Variants in EML1 observed in about 807,000 individuals in gnomAD.
EML1 encodes the protein EMAP like 1.
In EML1, 27 loss-of-function variants were observed where a neutral mutation model predicts 110.4. The observed-to-expected ratio is 0.24, with a 90% confidence interval of 0.18 to 0.34. The LOEUF (loss-of-function observed/expected upper bound fraction) is 0.34, where lower values mean the gene tolerates loss of function less well. Among genes scored for constraint, EML1 ranks in the 10% least tolerant of loss-of-function variants. EML1 has a pLI of 1.00. For synonymous variants in EML1, 344 were observed against 385.8 expected (o/e 0.89, Z 1.27); for missense variants, 741 against 1,030.9 (o/e 0.72, Z 3.85).
chr14:99,775,999 G>A (rs1223680670), intron 1 of EML1, among the ~76,000 whole-genome samples: 2 of 152,152 alleles, frequency 1.3e-5, no homozygotes, highest in Non-Finnish European at 2.9e-5. Flanking sequence ...GCTAAAACAT[G>A]ATTTTTCAAA....
At chr14:99,742,584 G>C (rs1595225290) in intron 1 of EML1, among the ~76,000 whole-genome samples, 1 of 152,142 alleles carries the variant, frequency 6.6e-6, no homozygotes, top group African/African-American at 2.4e-5. Flanking sequence ...CGGTGCAGTG[G>C]AGGCTGAGCC....
At chr14:99,875,067 A>G (rs2059267479) in intron 3 of EML1, 4 of 1,395,042 alleles carry the variant, frequency 2.9e-6, no homozygotes, top group Non-Finnish European at 4.0e-6. Flanking sequence ...TAGTAGCTTC[A>G]AGGTCTTGTC....
chr14:99,918,787 C>T (rs1241960971), intron 16 of EML1, among the ~76,000 whole-genome samples: 1 of 152,008 alleles, frequency 6.6e-6, no homozygotes, highest in Non-Finnish European at 1.5e-5. Context: ...TGTACCCTCG[C>T]CTAAGCCACA....
intron 1 of EML1, among the ~76,000 whole-genome samples, chr14:99,824,435 A>C (rs902849368): frequency 6.6e-6 from 1 of 152,038 alleles, no homozygotes; most frequent in Non-Finnish European, 1.5e-5. Context: ...ATGTACACAC[A>C]TATGTATGTC....
intron 3 of EML1, among the ~76,000 whole-genome samples, chr14:99,868,819 CT>C (rs2059146147): frequency 6.6e-6 from 1 of 151,874 alleles, no homozygotes; most frequent in African/African-American, 2.4e-5. Flanking sequence ...TATCTCTGCT[CT>C]AATCTTTATT....
At chr14:99,907,812 C>A in intron 10 of EML1, 79 bp downstream of exon 10, 2 of 1,367,538 alleles carry the variant, frequency 1.5e-6, no homozygotes, top group Non-Finnish European at 2.1e-6. Flanking sequence ...AGCCCCCTTT[C>A]AGCGGGCTCA....
At chr14:99,883,137 T>G (rs2059416030) in intron 4 of EML1, 1 of 152,252 alleles carries the variant, frequency 6.6e-6, no homozygotes, top group Non-Finnish European at 1.5e-5. Flanking sequence ...TTCCCTTTTG[T>G]GCCCTGACAC....
At chr14:99,752,988 T>C (rs1370472874) in intron 1 of EML1, among the ~76,000 whole-genome samples, 1 of 152,134 alleles carries the variant, frequency 6.6e-6, no homozygotes, top group East Asian at 1.9e-4. Flanking sequence ...GAGGCAGCCC[T>C]GGCTTTTATT....
At chr14:99,746,920 C>T (rs1388569929) in intron 1 of EML1, among the ~76,000 whole-genome samples, 8 of 152,298 alleles carry the variant, frequency 5.3e-5, no homozygotes, top group African/African-American at 1.9e-4. Flanking sequence ...CTGCCGCGCC[C>T]TGCCCTGGGC....
At chr14:99,746,455 A>G (rs2057109462) in intron 1 of EML1, among the ~76,000 whole-genome samples, 4 of 152,180 alleles carry the variant, frequency 2.6e-5, no homozygotes, top group Admixed American at 2.6e-4. Context: ...TGGCGGAAGC[A>G]CTAGCTTCAG....
chr14:99,816,728 C>T (rs2058174065), intron 1 of EML1, among the ~76,000 whole-genome samples: 1 of 152,244 alleles, frequency 6.6e-6, no homozygotes, highest in Non-Finnish European at 1.5e-5. Flanking sequence ...AGATCCATTT[C>T]TAACTGCCAG....
rs2058418490 is a variant in EML1, at chr14:99,829,716, G to A, written c.68-21137G>A. On this transcript the variant is annotated intron_variant, in intron 1 of 21. Coordinates refer to ENST00000262233, the MANE Select transcript of EML1 (RefSeq NM_004434.3). ...TCTGTGTATCTCACCTTACTCTGTA[G>A]TAGTGACTTAGATGAAATATAATAT... Among the ~76,000 whole-genome samples, 3 of 152,164 alleles carry A rather than the reference G, an allele frequency of 2.0e-5. No homozygotes were observed. The South Asian group carries it at 6.2e-4, about 31-fold the overall frequency.
At chr14:99,810,494 G>A (rs1276385626) in intron 1 of EML1, among the ~76,000 whole-genome samples, 1 of 152,182 alleles carries the variant, frequency 6.6e-6, no homozygotes, top group Non-Finnish European at 1.5e-5. Context: ...AGGAAACTGA[G>A]GGCTAAATAG....
chr14:99,891,012 G>C (rs2059578126), intron 4 of EML1, among the ~76,000 whole-genome samples, 187 bp from the exon 5 acceptor site: 1 of 152,158 alleles, frequency 6.6e-6, no homozygotes, highest in Non-Finnish European at 1.5e-5. Flanking sequence ...GCACCTATGA[G>C]ATTGTTTATG....
chr14:99,920,918 A>G (rs1566938729), intron 17 of EML1, 41 bp downstream of exon 17: 2 of 1,571,380 alleles, frequency 1.3e-6, no homozygotes, highest in Middle Eastern at 1.7e-4. Flanking sequence ...TTTTTAATCA[A>G]CTTTTATTTT....
In EML1 at chr14:99,827,878, T is replaced by C. The variant is rs1177638597; in HGVS notation, c.68-22975T>C. On this transcript the variant is annotated intron_variant, in intron 1 of 21. Transcript: ENST00000262233. This position sits in a 1 kb window ranked among gnomAD's most constrained non-coding sequence, Gnocchi z 4.4. Reference sequence around the variant, plus strand: ...TGCAGACCCGCAGGCATGGGTCCCGTGAGCACCCAGCAGGGTGTCTGGGTG... The same window carrying C: ...TGCAGACCCGCAGGCATGGGTCCCGCGAGCACCCAGCAGGGTGTCTGGGTG... Among the ~76,000 whole-genome samples, 1 of 152,140 alleles carries C rather than the reference T, an allele frequency of 6.6e-6. No individual in the cohort carries two copies. The highest frequency in any genetic ancestry group is 1.9e-4 in the East Asian group (1 of 5,190).
intron 1 of EML1, among the ~76,000 whole-genome samples, chr14:99,838,605 C>T (rs1437540854): frequency 6.6e-6 from 1 of 151,844 alleles, no homozygotes; most frequent in African/African-American, 2.4e-5. Context: ...TGTGCCTTGC[C>T]AGGATCATTG....
At chr14:99,803,202 A>G (rs2057913696) in intron 1 of EML1, among the ~76,000 whole-genome samples, 1 of 152,108 alleles carries the variant, frequency 6.6e-6, no homozygotes, top group Non-Finnish European at 1.5e-5. Context: ...GGTCCATCTT[A>G]TTTATCTTAT....
intron 1 of EML1, among the ~76,000 whole-genome samples, chr14:99,843,918 C>A (rs2058669082): frequency 6.6e-6 from 1 of 152,168 alleles, no homozygotes; most frequent in African/African-American, 2.4e-5. Flanking sequence ...AGAGGGAAGA[C>A]AGATATAAAA....
Sources: gnomAD v4.1 joint callset for allele counts (sites outside exome capture counted in the v4.1 genomes callset) on GRCh38, gnomAD v4.1.1 for gene constraint, Gnocchi (gnomAD v3.1) non-coding constraint, MANE v1.5 for transcripts, NCBI Gene and HGNC (gene_info 2026-07-23, HGNC 2026-07-21) for gene names.